SFRP1: variants seen among roughly 807,000 people sequenced by gnomAD.
SFRP1 encodes secreted frizzled-related protein 1.
A neutral mutation model predicts 25.9 loss-of-function variants in SFRP1; 9 were observed. That is an observed-to-expected ratio of 0.35 (90% CI 0.21 to 0.61). SFRP1 has a LOEUF of 0.61. Ranked by LOEUF, SFRP1 falls within the 20% of genes least tolerant of loss-of-function variation. The pLI is 0.78. For synonymous variants in SFRP1, 178 were observed against 174.0 expected (o/e 1.02, Z -0.18); for missense variants, 346 against 418.2 (o/e 0.83, Z 1.51).
intron 2 of SFRP1, among the ~76,000 whole-genome samples, chr8:41,269,264 T>G (rs1023331314): frequency 6.6e-6 from 1 of 152,100 alleles, no homozygotes; most frequent in African/African-American, 2.4e-5. Flanking sequence ...ATTTTAAAAA[T>G]TATGTGTTTT....
chr8:41,290,183 T>TC (rs1210553870), intron 2 of SFRP1, among the ~76,000 whole-genome samples: 4 of 152,206 alleles, frequency 2.6e-5, no homozygotes, highest in East Asian at 3.9e-4. Context: ...GTCCCTTGTG[T>TC]CCCCCAACTA....
intron 2 of SFRP1, among the ~76,000 whole-genome samples, chr8:41,292,698 A>G (rs1292051965): frequency 6.6e-6 from 1 of 152,170 alleles, no homozygotes; most frequent in Non-Finnish European, 1.5e-5. Flanking sequence ...TTGGATGTTG[A>G]TTCTAGTCAA....
chr8:41,305,708 T>C (rs1307149748), intron 1 of SFRP1, among the ~76,000 whole-genome samples: 3 of 152,250 alleles, frequency 2.0e-5, no homozygotes, highest in African/African-American at 7.2e-5. Flanking sequence ...TTGTGTTTAT[T>C]AATATTTAAG....
At chr8:41,266,255 C>T (rs1188731977) in intron 2 of SFRP1, among the ~76,000 whole-genome samples, 1 of 152,108 alleles carries the variant, frequency 6.6e-6, no homozygotes. Flanking sequence ...TCTGTAATGG[C>T]CATCGGTGCC....
At chr8:41,269,211 C>T (rs1051602471) in intron 2 of SFRP1, among the ~76,000 whole-genome samples, 1 of 152,202 alleles carries the variant, frequency 6.6e-6, no homozygotes, top group Non-Finnish European at 1.5e-5. Context: ...TGGATCTCAG[C>T]TCCCTGTAAC....
chr8:41,303,334 T>C, intron 2 of SFRP1, 127 bp downstream of exon 2: 1 of 719,434 alleles, frequency 1.4e-6, no homozygotes. Context: ...AAAGCAGCCA[T>C]TTGGAGAGGA....
intron 1 of SFRP1, among the ~76,000 whole-genome samples, chr8:41,306,546 C>T (rs1364302194): frequency 6.6e-6 from 1 of 152,094 alleles, no homozygotes; most frequent in African/African-American, 2.4e-5. Context: ...CAGGAAATCA[C>T]GTGGGGCTCC....
In SFRP1 at chr8:41,264,986, G is replaced by C. The variant is rs1307859090; in HGVS notation, c.*181C>G. On this transcript the variant is annotated 3_prime_UTR_variant, in exon 3 of 3. Coordinates refer to ENST00000220772, the MANE Select transcript of SFRP1 (RefSeq NM_003012.5). The stretch of plus-strand genomic sequence containing the variant: ...GCTTTACCCGGCCATGGCTACCCTG[G>C]GGTTTGGAGCGTGGCTATGGAGGGA... The C allele has an allele frequency of 1.7e-6, 1 of 578,520 alleles. No homozygotes were observed. The highest frequency in any genetic ancestry group is 1.9e-5 in the African/African-American group (1 of 53,454). 35.8% of individuals were successfully genotyped at this position (578,520 alleles called of 1,614,324 possible).
At position 41,265,233 on chromosome 8, in the gene SFRP1, C is replaced by T; in HGVS notation, c.879G>A (p.Glu293=). 3.8e-6 allele frequency: 6 copies of T among 1,597,478 alleles called. No individual in the cohort carries two copies. Among genetic ancestry groups the T allele is most frequent in the South Asian group, 2.2e-5 (2 of 90,820 alleles). ...AIHKWDKKNK[E]FKNFMKKMKN... ...TCATTTTCTTCATGAAGTTTTTGAA[C>T]TCCTTGTTTTTCTTGTCCCACTTGT... The change falls in exon 3 of 3, where the codon GAG becomes GAA. Residue 293 remains glutamate (E), a synonymous_variant. Coordinates refer to ENST00000220772, the MANE Select transcript of SFRP1 (RefSeq NM_003012.5).
chr8:41,301,101 T>C (rs1450212622), intron 2 of SFRP1, among the ~76,000 whole-genome samples: 4 of 152,140 alleles, frequency 2.6e-5, no homozygotes, highest in Admixed American at 6.5e-5. Context: ...AGACCACAGA[T>C]GCAGTGGCAG....
chr8:41,288,893 G>C (rs963314673), intron 2 of SFRP1, among the ~76,000 whole-genome samples: 3 of 152,224 alleles, frequency 2.0e-5, no homozygotes, highest in Non-Finnish European at 2.9e-5. Context: ...ACACATTCAG[G>C]AGAGGGGCTG....
intron 2 of SFRP1, among the ~76,000 whole-genome samples, chr8:41,279,304 T>G (rs2117491561): frequency 6.6e-6 from 1 of 152,240 alleles, no homozygotes; most frequent in Admixed American, 6.5e-5. Flanking sequence ...GAACTCCGCT[T>G]CAGCACTAAC....
chr8:41,302,387 C>T (rs929316820), intron 2 of SFRP1, among the ~76,000 whole-genome samples: 2 of 152,228 alleles, frequency 1.3e-5, no homozygotes, highest in Admixed American at 6.5e-5. Flanking sequence ...CTTACTTTGA[C>T]AGGGCAGGAA....
chr8:41,278,438 T>C (rs989366435), intron 2 of SFRP1, among the ~76,000 whole-genome samples: 2 of 152,188 alleles, frequency 1.3e-5, no homozygotes, highest in Non-Finnish European at 2.9e-5. Flanking sequence ...GCGTAGCCAT[T>C]TGCAAAACGA....
intron 2 of SFRP1, among the ~76,000 whole-genome samples, chr8:41,282,132 A>G (rs761048015): frequency 6.6e-6 from 1 of 152,140 alleles, no homozygotes; most frequent in Admixed American, 6.5e-5. Context: ...TCTGCCTCTC[A>G]CTGTCCCTGG....
intron 2 of SFRP1, among the ~76,000 whole-genome samples, chr8:41,301,507 T>C (rs1036294014): frequency 1.2e-4 from 18 of 151,884 alleles, no homozygotes; most frequent in African/African-American, 4.4e-4. Context: ...AACAAAAAGG[T>C]TTCTCCTGCA....
At chr8:41,301,150 T>C (rs1457646205) in intron 2 of SFRP1, among the ~76,000 whole-genome samples, 1 of 152,190 alleles carries the variant, frequency 6.6e-6, no homozygotes, top group Non-Finnish European at 1.5e-5. Flanking sequence ...AATGCACCCC[T>C]TGTTCCCGGA....
At chr8:41,279,495 C>T (rs768283208) in intron 2 of SFRP1, among the ~76,000 whole-genome samples, 13 of 152,096 alleles carry the variant, frequency 8.5e-5, no homozygotes, top group Non-Finnish European at 1.9e-4. Context: ...GGTTCAAGTC[C>T]CACAACTAGT....
At chr8:41,276,890 C>T (rs1013308050) in intron 2 of SFRP1, 8 of 456,058 alleles carry the variant, frequency 1.8e-5, no homozygotes, top group African/African-American at 4.0e-5. Context: ...CCAGTACTCA[C>T]ATATGAACGC....
Sources: allele counts gnomAD v4.1 joint callset (sites outside exome capture counted in the v4.1 genomes callset), GRCh38; gene constraint gnomAD v4.1.1; transcripts MANE v1.5; gene names NCBI Gene and HGNC (gene_info 2026-07-23, HGNC 2026-07-21).